SGCZ: variants seen among roughly 807,000 people sequenced by gnomAD.
The protein encoded by SGCZ is sarcoglycan zeta.
Under a neutral mutation model 41.3 loss-of-function variants are expected in SGCZ, and 40 were observed. That is an observed-to-expected ratio of 0.97 (90% CI 0.75 to 1.26). The LOEUF (loss-of-function observed/expected upper bound fraction) is 1.26. SGCZ is among the 50% of genes most tolerant of loss of function. The probability of loss-of-function intolerance (pLI) is 0.00; values close to 1 mark genes in which losing one functional copy is unlikely to be tolerated. For synonymous variants in SGCZ, 206 were observed against 137.5 expected (o/e 1.50, Z -3.49); for missense variants, 552 against 369.8 (o/e 1.49, Z -4.04).
intron 2 of SGCZ, among the ~76,000 whole-genome samples, chr8:14,462,298 G>T (rs1800923826): frequency 6.6e-6 from 1 of 151,784 alleles, no homozygotes; most frequent in African/African-American, 2.4e-5. Flanking sequence ...GGAACACACA[G>T]GTATTTATGC....
At chr8:14,463,812 T>G (rs557643887) in intron 2 of SGCZ, among the ~76,000 whole-genome samples, 1 of 151,586 alleles carries the variant, frequency 6.6e-6, no homozygotes, top group Non-Finnish European at 1.5e-5. Flanking sequence ...GTTTTTTGAG[T>G]TTTTTATTAT....
chr8:14,665,716 AC>A (rs1237936476), intron 1 of SGCZ, among the ~76,000 whole-genome samples: 1 of 152,180 alleles, frequency 6.6e-6, no homozygotes, highest in Non-Finnish European at 1.5e-5. Context: ...ATTTAATACA[AC>A]CAACCAAGAA....
chr8:14,498,823 A>G (rs1230651992), intron 2 of SGCZ, among the ~76,000 whole-genome samples: 3 of 151,992 alleles, frequency 2.0e-5, no homozygotes, highest in Non-Finnish European at 2.9e-5. Context: ...TTTTTGTGCA[A>G]TATTTTGCAT....
intron 5 of SGCZ, among the ~76,000 whole-genome samples, chr8:14,154,258 TAG>T: frequency 6.6e-6 from 1 of 151,810 alleles, no homozygotes; most frequent in Non-Finnish European, 1.5e-5. Flanking sequence ...TAGTCCCAGC[TAG>T]CAGGAGGCTG....
At chr8:14,309,585 C>T (rs1273390297) in intron 3 of SGCZ, 3 of 1,610,732 alleles carry the variant, frequency 1.9e-6, no homozygotes, top group African/African-American at 1.3e-5. Flanking sequence ...AAGGTTAGGA[C>T]TTCATCCAAA....
At chr8:15,136,712 T>A (rs1409059563) in intron 1 of SGCZ, among the ~76,000 whole-genome samples, 1 of 152,172 alleles carries the variant, frequency 6.6e-6, no homozygotes, top group East Asian at 1.9e-4. Flanking sequence ...GAGGTGCCTT[T>A]AACCATGATT....
intron 3 of SGCZ, among the ~76,000 whole-genome samples, chr8:14,321,378 T>A (rs901522494): frequency 6.6e-6 from 1 of 152,038 alleles, no homozygotes; most frequent in Non-Finnish European, 1.5e-5. Flanking sequence ...TCTGTAGATA[T>A]TTAGCGATGG....
chr8:15,021,306 T>C (rs1585481301), intron 1 of SGCZ, among the ~76,000 whole-genome samples: 1 of 152,314 alleles, frequency 6.6e-6, no homozygotes, highest in East Asian at 1.9e-4. Context: ...TCAGGCCTCA[T>C]GGTACTCTCT....
chr8:14,504,763 G>A (rs1802256485), intron 2 of SGCZ, among the ~76,000 whole-genome samples: 1 of 152,092 alleles, frequency 6.6e-6, no homozygotes, highest in African/African-American at 2.4e-5. Flanking sequence ...TCTTCTGGAA[G>A]AGGTCCTAGC....
chr8:14,557,908 A>T (rs774159154), intron 1 of SGCZ, among the ~76,000 whole-genome samples: 7 of 152,136 alleles, frequency 4.6e-5, no homozygotes, highest in Non-Finnish European at 1.0e-4. Flanking sequence ...AATAAAATTG[A>T]TAGGCCATTA....
intron 2 of SGCZ, among the ~76,000 whole-genome samples, chr8:14,334,224 C>G (rs1410933730): frequency 6.6e-6 from 1 of 152,028 alleles, no homozygotes; most frequent in African/African-American, 2.4e-5. Context: ...GGAATTTCTT[C>G]TAGACTCATA....
At chr8:14,767,089 T>A (rs1352685004) in intron 1 of SGCZ, among the ~76,000 whole-genome samples, 1 of 152,212 alleles carries the variant, frequency 6.6e-6, no homozygotes, top group Non-Finnish European at 1.5e-5. Flanking sequence ...ATTCTCTTAA[T>A]CATCCTTCAT....
intron 1 of SGCZ, among the ~76,000 whole-genome samples, chr8:14,744,240 C>G (rs955664541): frequency 6.6e-6 from 1 of 152,146 alleles, no homozygotes; most frequent in African/African-American, 2.4e-5. Context: ...GCCTGCTGAG[C>G]TACGTGCACT....
chr8:15,215,277 A>C (rs540182403), intron 1 of SGCZ, among the ~76,000 whole-genome samples: 1 of 152,214 alleles, frequency 6.6e-6, no homozygotes, highest in Non-Finnish European at 1.5e-5. Flanking sequence ...ACTTTATTAA[A>C]GTAGTTCTAG....
chr8:14,715,534 C>CCACACACACACACACA (rs3069627), intron 1 of SGCZ, among the ~76,000 whole-genome samples: 6 of 133,312 alleles, frequency 4.5e-5, no homozygotes, highest in African/African-American at 1.8e-4. Flanking sequence ...ATATCCTCCA[C>CCACACACACACACACA]CACACACACA....
At chr8:14,178,381 C>G (rs1804618661) in intron 4 of SGCZ, among the ~76,000 whole-genome samples, 1 of 152,190 alleles carries the variant, frequency 6.6e-6, no homozygotes, top group African/African-American at 2.4e-5. Context: ...CTGCCTTACT[C>G]AAAATTTTGG....
chr8:14,977,526 G>A (rs1028380064), intron 1 of SGCZ, among the ~76,000 whole-genome samples: 3 of 152,066 alleles, frequency 2.0e-5, no homozygotes, highest in African/African-American at 7.2e-5. Context: ...AACAAAGAGA[G>A]TTTATTATGT....
chr8:14,282,195 G>A (rs1800469063), intron 3 of SGCZ, among the ~76,000 whole-genome samples: 1 of 151,194 alleles, frequency 6.6e-6, no homozygotes, highest in South Asian at 2.1e-4. Flanking sequence ...TTTCTTCTTT[G>A]CCTTAATAGA....
At chr8:15,111,275 G>A (rs1807039696) in intron 1 of SGCZ, among the ~76,000 whole-genome samples, 1 of 152,118 alleles carries the variant, frequency 6.6e-6, no homozygotes, top group Non-Finnish European at 1.5e-5. Flanking sequence ...TTCCACGGCT[G>A]GGTAACAAAG....
Sources: allele counts gnomAD v4.1 joint callset (sites outside exome capture counted in the v4.1 genomes callset), GRCh38; gene constraint gnomAD v4.1.1; transcripts MANE v1.5; gene names NCBI Gene and HGNC (gene_info 2026-07-23, HGNC 2026-07-21).